Variants in AFF3 observed in about 807,000 individuals in gnomAD.
AFF3 encodes the protein AF4/FMR2 family member 3.
In AFF3, 32 loss-of-function variants were observed where a neutral mutation model predicts 129.7. The observed-to-expected ratio is 0.25, with a 90% confidence interval of 0.19 to 0.33. The LOEUF is 0.33. Among genes scored for constraint, AFF3 ranks in the 10% least tolerant of loss-of-function variants. AFF3 has a pLI of 1.00. For synonymous variants in AFF3, 644 were observed against 635.4 expected, an observed-to-expected ratio of 1.01 and a Z score of -0.20; for missense variants, 1,373 against 1,592.0, an observed-to-expected ratio of 0.86 and a Z score of 2.34.
At chr2:99,728,597 G>A (rs746850411) in intron 10 of AFF3, among the ~76,000 whole-genome samples, 1 of 152,168 alleles carries the variant, frequency 6.6e-6, no homozygotes, top group Non-Finnish European at 1.5e-5. Flanking sequence ...AGAAAAAGAA[G>A]ACACAGTTTC....
chr2:99,579,134 G>A (rs1003085986), intron 17 of AFF3, among the ~76,000 whole-genome samples: 10 of 152,160 alleles, frequency 6.6e-5, no homozygotes, highest in Non-Finnish European at 1.3e-4. Context: ...GACTGGGCAC[G>A]GTGTCTCACA....
chr2:100,094,215 T>C (rs1690100596), intron 4 of AFF3, among the ~76,000 whole-genome samples: 2 of 152,174 alleles, frequency 1.3e-5, no homozygotes, highest in South Asian at 4.2e-4. Context: ...TTCAAGTGCA[T>C]TACATTTATT....
chr2:100,093,175 T>C (rs1033039803), intron 4 of AFF3, among the ~76,000 whole-genome samples: 2 of 151,530 alleles, frequency 1.3e-5, no homozygotes, highest in African/African-American at 4.8e-5. Context: ...GGTGCAATCA[T>C]GGCTCATTGC....
chr2:99,807,747 C>T (rs1273766296), intron 8 of AFF3, among the ~76,000 whole-genome samples: 6 of 152,250 alleles, frequency 3.9e-5, no homozygotes, highest in South Asian at 2.1e-4. Flanking sequence ...TCCTGCTTAT[C>T]GCTGAGTGGC....
chr2:99,852,754 C>A (rs1197880333), intron 7 of AFF3, among the ~76,000 whole-genome samples: 1 of 152,178 alleles, frequency 6.6e-6, no homozygotes, highest in African/African-American at 2.4e-5. Context: ...CTGATCATTA[C>A]GATTCCTTTC....
chr2:99,993,811 T>TTTC, intron 7 of AFF3, among the ~76,000 whole-genome samples: 1 of 137,862 alleles, frequency 7.3e-6, no homozygotes, highest in East Asian at 2.1e-4. Context: ...TTTTTTTTTT[T>TTTC]TTTTTTTTTT....
chr2:99,797,967 G>A (rs1048000026), intron 8 of AFF3, among the ~76,000 whole-genome samples: 3 of 151,838 alleles, frequency 2.0e-5, no homozygotes, highest in African/African-American at 7.2e-5. Context: ...TATACCCAAA[G>A]CAATAAAGAG....
At chr2:100,121,093 A>G (rs1347981471) in intron 2 of AFF3, among the ~76,000 whole-genome samples, 4 of 152,232 alleles carry the variant, frequency 2.6e-5, no homozygotes, top group African/African-American at 9.6e-5. Flanking sequence ...CTGGGAGGGC[A>G]GGTCCCTGGT....
intron 7 of AFF3, among the ~76,000 whole-genome samples, chr2:99,891,004 C>T (rs1693508481): frequency 6.6e-6 from 1 of 152,126 alleles, no homozygotes; most frequent in Admixed American, 6.5e-5. Flanking sequence ...ACACACAGTT[C>T]CCAATGGGAG....
intron 4 of AFF3, among the ~76,000 whole-genome samples, chr2:100,061,568 T>C (rs1413506766): frequency 6.6e-6 from 1 of 152,098 alleles, no homozygotes; most frequent in East Asian, 1.9e-4. Context: ...AACTATCCCA[T>C]GATGGAGGCA....
intron 8 of AFF3, among the ~76,000 whole-genome samples, chr2:99,825,174 A>T (rs1179120726): frequency 6.6e-6 from 1 of 152,228 alleles, no homozygotes; most frequent in African/African-American, 2.4e-5. Context: ...GCAAAGGAGA[A>T]ATTAGGTTTC....
rs1230858105 is a variant in AFF3 at position 99,554,258 on chromosome 2, C to T, written c.3559+53G>A. On this transcript the variant is annotated intron_variant, in intron 24 of 24. Coordinates refer to ENST00000672756, the MANE Select transcript of AFF3 (RefSeq NM_001386135.1). The stretch of plus-strand genomic sequence containing the variant: ...ACTCAGGAGGCCGAGGCAGAAGAAT[C>T]GCTTGAACCCGGGAGGCGGAAGCCC... The T allele has an allele frequency of 7.6e-6, 12 of 1,588,670 alleles. No homozygotes were observed. The East Asian group carries it at 1.8e-4, about 24-fold the overall frequency.
intron 7 of AFF3, among the ~76,000 whole-genome samples, chr2:99,874,486 C>T (rs1365319963): frequency 1.3e-5 from 2 of 152,026 alleles, no homozygotes; most frequent in African/African-American, 2.4e-5. Flanking sequence ...CTTTAGTCAA[C>T]GAGACAGGGA....
intron 4 of AFF3, among the ~76,000 whole-genome samples, chr2:100,017,551 G>A (rs561343675): frequency 2.0e-5 from 3 of 152,240 alleles, no homozygotes; most frequent in African/African-American, 7.2e-5. Flanking sequence ...GACATTAAAG[G>A]GAGTCACAAA....
At chr2:99,831,244 C>T (rs1688500147) in intron 8 of AFF3, among the ~76,000 whole-genome samples, 1 of 152,190 alleles carries the variant, frequency 6.6e-6, no homozygotes, top group Admixed American at 6.5e-5. Context: ...TCTTAATTAG[C>T]ATTCTAAAAA....
At chr2:99,939,412 CACATAA>C (rs1242805379) in intron 7 of AFF3, among the ~76,000 whole-genome samples, 3 of 152,208 alleles carry the variant, frequency 2.0e-5, no homozygotes, top group African/African-American at 7.2e-5. Context: ...CTCAGTTAAT[CACATAA>C]ACATAACTAA....
At chr2:100,120,365 G>A (rs577584285) in intron 2 of AFF3, among the ~76,000 whole-genome samples, 2 of 152,198 alleles carry the variant, frequency 1.3e-5, no homozygotes, top group African/African-American at 4.8e-5. Context: ...TTTTATGGAG[G>A]CAAATTAAAA....
At chr2:99,994,373 G>T (rs561168783) in intron 7 of AFF3, among the ~76,000 whole-genome samples, 1 of 152,166 alleles carries the variant, frequency 6.6e-6, no homozygotes, top group Non-Finnish European at 1.5e-5. Context: ...GGTAAAAAAA[G>T]TGAGACACTG....
intron 13 of AFF3, among the ~76,000 whole-genome samples, chr2:99,648,876 A>AACACACACACAC (rs1183425993): frequency 6.1e-5 from 2 of 32,772 alleles, no homozygotes; most frequent in African/African-American, 1.9e-4. Context: ...AGTTCCTCAA[A>AACACACACACAC]ACACGCGCGC....
Sources: gnomAD v4.1 joint callset for allele counts (sites outside exome capture counted in the v4.1 genomes callset) on GRCh38, gnomAD v4.1.1 for gene constraint, MANE v1.5 for transcripts, NCBI Gene and HGNC (gene_info 2026-07-23, HGNC 2026-07-21) for gene names.